The following LARP1 variants were observed in gnomAD, a reference collection of about 807,000 sequenced individuals.
LARP1 encodes la-related protein 1.
Under a neutral mutation model 122.7 loss-of-function variants are expected in LARP1, and 36 were observed. The observed-to-expected ratio is 0.29, with a 90% CI of 0.22 to 0.39. LARP1 has a LOEUF of 0.39. LARP1 is among the 10% of genes least tolerant of loss of function. The pLI is 1.00. For synonymous variants in LARP1, 539 were observed against 528.7 expected (o/e 1.02, Z -0.27); for missense variants, 1,040 against 1,403.6 (o/e 0.74, Z 4.14).
At position 154,720,901 on chromosome 5, in the gene LARP1, A is replaced by C. The variant is rs573141532; in HGVS notation, c.205+7771A>C. Among the ~76,000 whole-genome samples, 9 of 152,292 alleles carry C rather than the reference A, an allele frequency of 5.9e-5. No individual in the cohort carries two copies. In the East Asian group the frequency reaches 1.7e-3, roughly 29 times the overall value. On this transcript the variant is annotated intron_variant, in intron 1 of 18. Coordinates refer to the LARP1 transcript ENST00000336314. ...GGAAGTGTCAAGGAAGCTGTCAAACAGTGGATGAGTTGAGGTAGCAAGCAG... is the reference window on the plus strand; with the variant it reads ...GGAAGTGTCAAGGAAGCTGTCAAACCGTGGATGAGTTGAGGTAGCAAGCAG...
chr5:154,704,679 G>A (rs1754866545), intron 1 of LARP1, among the ~76,000 whole-genome samples: 1 of 145,582 alleles, frequency 6.9e-6, no homozygotes, highest in South Asian at 2.1e-4. Context: ...CTTCTGCACA[G>A]CAGAAACTAT....
rs1415276264 is a variant in LARP1 at position 154,793,743 on chromosome 5, G to T, written c.868+20G>T. On this transcript the variant is annotated intron_variant, in intron 5 of 18. Coordinates refer to ENST00000518297, the MANE Select transcript of LARP1 (RefSeq NM_033551.3). ...TCAAAGGTATGCACTACCCACTATG[G>T]AGGGCCTGGACTTGGGAGACACCCT... is the stretch of plus-strand genomic sequence containing the variant. 2 of 1,614,136 alleles carry T rather than the reference G, an allele frequency of 1.2e-6. No homozygotes were observed. The highest frequency in any genetic ancestry group is 1.7e-6 in the Non-Finnish European group (2 of 1,179,996).
intron 1 of LARP1, among the ~76,000 whole-genome samples, chr5:154,707,304 C>T (rs181605745): frequency 7.2e-4 from 109 of 152,184 alleles, no homozygotes; most frequent in Middle Eastern, 3.4e-3. Context: ...GATTTAAATA[C>T]GTTTGATATT....
intron 1 of LARP1, chr5:154,685,839 G>A (rs888516744): frequency 2.0e-6 from 1 of 512,736 alleles, no homozygotes; most frequent in Non-Finnish European, 3.9e-6. Context: ...TAGAGACGGG[G>A]TCTTGCTCTG....
At chr5:154,756,225 G>C in intron 1 of LARP1, 32 bp downstream of exon 1, 2 of 1,212,716 alleles carry the variant, frequency 1.6e-6, no homozygotes, top group Non-Finnish European at 2.1e-6. Flanking sequence ...CCTGGGTCCG[G>C]GGGCCTCTTC....
At position 154,799,665 on chromosome 5, in the gene LARP1, T is replaced by C; in HGVS notation, c.1452T>C (p.Pro484=). Residue 484 remains proline (P), a synonymous_variant, in exon 9 of 19, where the codon CCT becomes CCC. Transcript: ENST00000518297. ...GGAGGGAGGAACCAGAAAAGTGGCC[T>C]CTTCCCCCAATAGTGGATTATTCAC... The part of the protein sequence containing the change: ...VRRREEPEKW[P]LPPIVDYSQT... The C allele has an allele frequency of 1.2e-6, 2 of 1,614,226 alleles. No individual in the cohort carries two copies. The highest frequency in any genetic ancestry group is 1.7e-6 in the Non-Finnish European group (2 of 1,180,042).
At chr5:154,702,575 C>G (rs1158017646) in intron 1 of LARP1, among the ~76,000 whole-genome samples, 1 of 151,432 alleles carries the variant, frequency 6.6e-6, no homozygotes, top group Non-Finnish European at 1.5e-5. Flanking sequence ...AAAAAAACTT[C>G]AAGTGGTGGC....
Position 154,815,522 on chromosome 5 carries a change from C to G in LARP1, c.*1426C>G, listed in dbSNP as rs749109471. On this transcript the variant is annotated 3_prime_UTR_variant, in exon 19 of 19. Transcript: ENST00000518297. Reference sequence around the variant, plus strand: ...AAATCTTTGAGACCTCAGGGAGGCTCTGTCTCTCTTAAAAGGTGGAGAAAG... The same window carrying G: ...AAATCTTTGAGACCTCAGGGAGGCTGTGTCTCTCTTAAAAGGTGGAGAAAG... 1 of 152,150 alleles carries G rather than the reference C, an allele frequency of 6.6e-6. No individual in the cohort carries two copies. The highest frequency in any genetic ancestry group is 2.4e-5 in the African/African-American group (1 of 41,432). The allele number at this position is 152,150 out of a possible 1,614,324, so 9.4% of individuals were successfully genotyped here.
chr5:154,750,091 C>G (rs1287114357), intron 1 of LARP1, among the ~76,000 whole-genome samples: 3 of 152,256 alleles, frequency 2.0e-5, no homozygotes, highest in Non-Finnish European at 2.9e-5. Flanking sequence ...ATTCTCCCAG[C>G]TCTCTAGTCT....
At chr5:154,738,152 G>C (rs1454420259) in intron 1 of LARP1, among the ~76,000 whole-genome samples, 2 of 152,220 alleles carry the variant, frequency 1.3e-5, no homozygotes, top group African/African-American at 4.8e-5. Flanking sequence ...GCGTGTGTGG[G>C]ATACTGTTTG....
At chr5:154,709,987 C>T (rs1291869281), upstream of LARP1, among the ~76,000 whole-genome samples, 1 of 152,192 alleles carries the variant, frequency 6.6e-6, no homozygotes, top group Non-Finnish European at 1.5e-5. Context: ...GAGTGCACAA[C>T]CTAGATCCCT....
At chr5:154,695,267 G>A (rs557595018) in intron 1 of LARP1, among the ~76,000 whole-genome samples, 1 of 151,994 alleles carries the variant, frequency 6.6e-6, no homozygotes, top group Admixed American at 6.6e-5. Flanking sequence ...AGCAGAGATC[G>A]CCTCACTGCA....
chr5:154,806,112 A>G, intron 15 of LARP1, 80 bp downstream of exon 15: 3 of 1,435,950 alleles, frequency 2.1e-6, no homozygotes, highest in Non-Finnish European at 2.8e-6. Flanking sequence ...GGATACGGGG[A>G]TAGGTGACTC....
chr5:154,768,142 CTT>C (rs906195351), intron 1 of LARP1, among the ~76,000 whole-genome samples: 2 of 152,130 alleles, frequency 1.3e-5, no homozygotes, highest in African/African-American at 4.8e-5. Flanking sequence ...CAAGTAGTAA[CTT>C]TTAACAGTGC....
chr5:154,743,382 C>T (rs1295177807), intron 1 of LARP1, among the ~76,000 whole-genome samples: 1 of 146,738 alleles, frequency 6.8e-6, no homozygotes. Flanking sequence ...GATCTCGGCT[C>T]ACTGCAACCT....
intron 7 of LARP1, 98 bp from the exon 8 acceptor site, chr5:154,795,075 CTG>C: frequency 8.8e-7 from 1 of 1,137,146 alleles, no homozygotes; most frequent in Non-Finnish European, 1.3e-6. Context: ...AGGTCAGAGG[CTG>C]TGTGAGATTG....
At chr5:154,701,456 T>C (rs1326432216) in intron 1 of LARP1, among the ~76,000 whole-genome samples, 1 of 152,008 alleles carries the variant, frequency 6.6e-6, no homozygotes, top group African/African-American at 2.4e-5. Context: ...CCCCTCCCCA[T>C]GTTCAGAGCT....
In LARP1 at chr5:154,814,144, T is replaced by A; in HGVS notation, c.*48T>A. ...TGAGGGGGGAAAGGGGTAGGGTGGG[T>A]AAGAGTCCATGGGGGTGCCCAGTCC... On this transcript the variant is annotated 3_prime_UTR_variant, in exon 19 of 19. Transcript: ENST00000518297. The A allele has an allele frequency of 6.3e-7, 1 of 1,575,482 alleles. No homozygotes were observed. The highest frequency in any genetic ancestry group is 1.1e-5 in the South Asian group (1 of 88,692).
chr5:154,708,278 C>T (rs1220469951), upstream of LARP1, among the ~76,000 whole-genome samples: 1 of 152,210 alleles, frequency 6.6e-6, no homozygotes, highest in Non-Finnish European at 1.5e-5. Flanking sequence ...TGAATGCAGC[C>T]ACTTTATCTG....
Sources: gnomAD v4.1 joint callset for allele counts (sites outside exome capture counted in the v4.1 genomes callset) on GRCh38, gnomAD v4.1.1 for gene constraint, MANE v1.5 for transcripts, NCBI Gene and HGNC (gene_info 2026-07-23, HGNC 2026-07-21) for gene names.